Variants in WDR59 observed in about 807,000 individuals in gnomAD.
WDR59 encodes the protein GATOR2 complex protein WDR59.
A neutral mutation model predicts 131.2 loss-of-function variants in WDR59; 100 were observed. The observed-to-expected ratio is 0.76, with a 90% CI of 0.65 to 0.90. The LOEUF is 0.90. Among genes scored for constraint, WDR59 ranks in the 40% least tolerant of loss-of-function variants. The pLI is 0.00. For synonymous variants in WDR59, 601 were observed against 466.2 expected (o/e 1.29, Z -3.72); for missense variants, 1,203 against 1,262.2 (o/e 0.95, Z 0.71).
chr16:74,931,390 C>T (rs2031373571), intron 8 of WDR59, among the ~76,000 whole-genome samples: 1 of 152,038 alleles, frequency 6.6e-6, no homozygotes, highest in Admixed American at 6.6e-5. Flanking sequence ...GGTTGGAGTG[C>T]AGCGGCACAA....
intron 8 of WDR59, among the ~76,000 whole-genome samples, chr16:74,924,504 A>G (rs534888045): frequency 6.3e-4 from 96 of 152,350 alleles, no homozygotes; most frequent in African/African-American, 2.3e-3. Context: ...GTCACAAAGA[A>G]AAAAGGCAGC....
In WDR59 at chr16:74,883,386, T is replaced by A. The variant is rs908543107; in HGVS notation, c.2689+2267A>T. On this transcript the variant is annotated intron_variant, in intron 25 of 25. Transcript: ENST00000262144. ...AGAGGTCCCTGAGCCACGTGAGGGT[T>A]CTGCAGTGTTTTGTACTTCCGACAA... 7.2e-5 allele frequency among the ~76,000 whole-genome samples: 11 copies of A among 152,266 alleles called. 1 individual carries two copies. The highest frequency in any genetic ancestry group is 1.9e-4 in the East Asian group (1 of 5,172).
Position 74,922,081 on chromosome 16 carries a change from G to A in WDR59, c.752C>T (p.Thr251Ile). 6.2e-7 allele frequency: 1 copy of A among 1,614,170 alleles called. No individual in the cohort carries two copies. The highest frequency in any genetic ancestry group is 2.2e-5 in the East Asian group (1 of 44,878). ...CCTCCGCAGCTGGGGAACCATCACAGTCACCAATCCATTGCTGAAAGGCTA... is the reference window on the plus strand; with the variant it reads ...CCTCCGCAGCTGGGGAACCATCACAATCACCAATCCATTGCTGAAAGGCTA... ...RYTPFSNGLV[T>I]VMVPQLRREN... Residue 251 changes from threonine (T) to isoleucine (I), a missense_variant, in exon 10 of 26, where the codon ACT becomes ATT. By Grantham distance (89) the Thr-to-Ile change is moderately conservative. Coordinates refer to ENST00000262144, the MANE Select transcript of WDR59 (RefSeq NM_030581.4).
At chr16:74,893,652 G>T in intron 19 of WDR59, 27 bp downstream of exon 19, 1 of 1,611,058 alleles carries the variant, frequency 6.2e-7, no homozygotes, top group Non-Finnish European at 8.5e-7. Context: ...AATGATGAGT[G>T]CAGCAGACTT....
chr16:74,959,872 C>A (rs893895662), intron 2 of WDR59, among the ~76,000 whole-genome samples: 1 of 148,238 alleles, frequency 6.7e-6, no homozygotes, highest in Non-Finnish European at 1.5e-5. Context: ...AGAAGAAATT[C>A]AAAGGAAACG....
intron 25 of WDR59, among the ~76,000 whole-genome samples, chr16:74,876,076 C>T (rs1964198296): frequency 1.3e-5 from 2 of 152,302 alleles, no homozygotes; most frequent in Non-Finnish European, 2.9e-5. Flanking sequence ...CCCACCTCTC[C>T]TTCCCTCTTA....
intron 1 of WDR59, 66 bp downstream of exon 1, chr16:74,984,898 G>C: frequency 4.5e-6 from 7 of 1,571,670 alleles, no homozygotes; most frequent in Non-Finnish European, 5.2e-6. Context: ...GACGGAAGCA[G>C]CCGCGTGGGG....
chr16:74,956,656 A>T (rs1268700246), intron 2 of WDR59, 46 bp from the exon 3 acceptor site: 1 of 1,594,276 alleles, frequency 6.3e-7, no homozygotes, highest in East Asian at 2.2e-5. Context: ...ACACAACATC[A>T]TTAGCATTAA....
rs949021585 is a variant in WDR59 at position 74,872,579 on chromosome 16, A to T, written c.*1630T>A. 6 of 151,980 alleles carry T rather than the reference A, an allele frequency of 3.9e-5. No individual in the cohort carries two copies. The highest frequency in any genetic ancestry group is 1.4e-4 in the African/African-American group (6 of 41,380). 9.4% of individuals were successfully genotyped at this position (151,980 alleles called of 1,614,324 possible). On this transcript the variant is annotated 3_prime_UTR_variant, in exon 26 of 26. Transcript: ENST00000262144. The stretch of plus-strand genomic sequence containing the variant: ...TGTCTCTCTCTCTAAAAAAAAAAAA[A>T]AAAAATTTAACTTTAAAAAAGAAAA...
intron 1 of WDR59, among the ~76,000 whole-genome samples, chr16:74,966,726 T>C (rs1173009112): frequency 2.6e-5 from 4 of 152,156 alleles, no homozygotes; most frequent in Admixed American, 2.6e-4. Flanking sequence ...TCCAAGGTCA[T>C]ATTCTGGATA....
At chr16:74,899,339 C>T (rs188939539) in intron 18 of WDR59, among the ~76,000 whole-genome samples, 2 of 152,176 alleles carry the variant, frequency 1.3e-5, no homozygotes, top group South Asian at 2.1e-4. Context: ...TCTGCTCCCC[C>T]CATGCCAAAG....
At chr16:74,891,139 T>C (rs369259029) in intron 20 of WDR59, among the ~76,000 whole-genome samples, 41 of 141,146 alleles carry the variant, frequency 2.9e-4, no homozygotes, top group African/African-American at 1.1e-3. Flanking sequence ...AAAAATCAAA[T>C]ACTATTTTCT....
At chr16:74,898,840 G>A (rs1056296969) in intron 18 of WDR59, among the ~76,000 whole-genome samples, 58 of 152,210 alleles carry the variant, frequency 3.8e-4, no homozygotes, top group African/African-American at 1.4e-3. Context: ...TTCAGCAGTC[G>A]GGTTGGCTGG....
chr16:74,909,968 GGT>G, intron 14 of WDR59, 51 bp from the exon 15 acceptor site: 1 of 1,015,740 alleles, frequency 9.8e-7, no homozygotes, highest in Non-Finnish European at 1.3e-6. Flanking sequence ...TTCTCTGATA[GGT>G]TTTTTTTTTT....
chr16:74,968,204 G>A (rs966165838), intron 1 of WDR59, among the ~76,000 whole-genome samples: 9 of 152,104 alleles, frequency 5.9e-5, no homozygotes, highest in African/African-American at 2.2e-4. Flanking sequence ...TAGAGGACGG[G>A]GAGACTGAGA....
At chr16:74,892,603 G>T in intron 19 of WDR59, 38 bp from the exon 20 acceptor site, 1 of 1,534,294 alleles carries the variant, frequency 6.5e-7, no homozygotes, top group Non-Finnish European at 9.0e-7. Context: ...TTTCTTTCTA[G>T]TGTAACTTCC....
Position 74,909,590 on chromosome 16 carries a change from G to A in WDR59, c.1553C>T (p.Thr518Met), listed in dbSNP as rs142986172. The change falls in exon 16 of 26, where the codon ACG (threonine) becomes ATG (methionine). Residue 518 changes from threonine to methionine, a missense_variant. By Grantham distance (81) the Thr-to-Met change is moderately conservative. Coordinates refer to ENST00000262144, the MANE Select transcript of WDR59 (RefSeq NM_030581.4). Reference protein sequence around the residue: ...LPNSVTPPLPTFARVTTAYGS... With the variant: ...LPNSVTPPLPMFARVTTAYGS... ...GTAAGCCGTGGTCACCCGCGCAAAC[G>A]TCGGTAAGGGGGGAGTGACAGAGTT... The A allele has an allele frequency of 5.0e-6, 8 of 1,610,268 alleles. No homozygotes were observed. The highest frequency in any genetic ancestry group is 1.3e-5 in the African/African-American group (1 of 74,838).
chr16:74,904,242 T>A, intron 17 of WDR59, 142 bp from the exon 18 acceptor site: 2 of 997,342 alleles, frequency 2.0e-6, no homozygotes, highest in Non-Finnish European at 2.9e-6. Context: ...ATAAAACTTT[T>A]AACACTGAAA....
At position 74,885,622 on chromosome 16, in the gene WDR59, G is replaced by A. The variant is rs758849829; in HGVS notation, c.2689+31C>T. ...ATTAAATTACAGGATCTTTCAGACA[G>A]TGAAAGGAAGAGAGAGAAATTCATA... On this transcript the variant is annotated intron_variant, in intron 25 of 25. Transcript: ENST00000262144. 2.5e-6 allele frequency: 4 copies of A among 1,610,548 alleles called. No homozygotes were observed. The African/African-American group carries it at 4.0e-5, about 16-fold the overall frequency.
Sources: gnomAD v4.1 joint callset for allele counts (sites outside exome capture counted in the v4.1 genomes callset) on GRCh38, gnomAD v4.1.1 for gene constraint, MANE v1.5 for transcripts, NCBI Gene and HGNC (gene_info 2026-07-23, HGNC 2026-07-21) for gene names.